The following FHIP1A variants were observed in gnomAD, a reference collection of about 807,000 sequenced individuals.
The protein encoded by FHIP1A is FHF complex subunit HOOK interacting protein 1A.
FHIP1A carries 61 observed loss-of-function variants against 88.6 expected under a neutral mutation model. That is an observed-to-expected ratio of 0.69 (90% CI 0.56 to 0.85). The LOEUF (loss-of-function observed/expected upper bound fraction) is 0.85, where lower values mean the gene tolerates loss of function less well. Among genes scored for constraint, FHIP1A ranks in the 40% least tolerant of loss-of-function variants. FHIP1A has a pLI of 0.00. For synonymous variants in FHIP1A, 478 were observed against 496.0 expected (o/e 0.96, Z 0.48); for missense variants, 1,154 against 1,273.5 (o/e 0.91, Z 1.43).
chr4:151,564,420 TA>T (rs33920190), intron 3 of FHIP1A, among the ~76,000 whole-genome samples: 5,146 of 152,264 alleles, frequency 0.034, 295 homozygotes, highest in African/African-American at 0.12. Flanking sequence ...GCTGTAAATG[TA>T]AATGTTTATA....
At chr4:151,527,007 G>A (rs1731691517) in intron 3 of FHIP1A, among the ~76,000 whole-genome samples, 1 of 151,116 alleles carries the variant, frequency 6.6e-6, no homozygotes, top group African/African-American at 2.4e-5. Flanking sequence ...AGATGGGATG[G>A]CGGCCGGGCA....
intron 1 of FHIP1A, among the ~76,000 whole-genome samples, chr4:151,425,574 C>CT (rs1226824922): frequency 2.0e-5 from 3 of 152,188 alleles, no homozygotes; most frequent in East Asian, 3.9e-4. Context: ...TTCACATAGA[C>CT]TTTTTTTAGA....
intron 3 of FHIP1A, among the ~76,000 whole-genome samples, chr4:151,527,543 G>A (rs1432601754): frequency 1.3e-5 from 2 of 151,984 alleles, no homozygotes; most frequent in Admixed American, 6.5e-5. Context: ...ACCGTGGGGA[G>A]AGCGAGAGCG....
intron 13 of FHIP1A, among the ~76,000 whole-genome samples, chr4:151,661,414 T>G (rs1284512918): frequency 1.3e-5 from 2 of 151,740 alleles, no homozygotes; most frequent in Non-Finnish European, 2.9e-5. Context: ...AGTTGTTTTT[T>G]TTTTTTTTTT....
chr4:151,495,180 T>G (rs1730415013), intron 3 of FHIP1A, among the ~76,000 whole-genome samples: 1 of 152,074 alleles, frequency 6.6e-6, no homozygotes, highest in Non-Finnish European at 1.5e-5. Context: ...TTTATAAAAT[T>G]GATCAAATTA....
intron 4 of FHIP1A, among the ~76,000 whole-genome samples, chr4:151,573,428 G>A (rs1489170370): frequency 1.3e-5 from 2 of 152,172 alleles, no homozygotes; most frequent in Non-Finnish European, 2.9e-5. Context: ...GCTTTATAAG[G>A]TGTTGAGGTG....
chr4:151,535,064 A>T (rs1278364373), intron 3 of FHIP1A, among the ~76,000 whole-genome samples: 1 of 152,124 alleles, frequency 6.6e-6, no homozygotes, highest in Non-Finnish European at 1.5e-5. Flanking sequence ...AAAGTAAAAA[A>T]ATCAGCCGGG....
intron 7 of FHIP1A, among the ~76,000 whole-genome samples, chr4:151,612,987 G>A (rs955366707): frequency 2.6e-5 from 4 of 152,188 alleles, no homozygotes; most frequent in African/African-American, 2.4e-5. Flanking sequence ...AGGTCACAAA[G>A]TGGGTAACTG....
chr4:151,665,537 C>G lies in FHIP1A; in HGVS notation c.*2783C>G, dbSNP rs1325617199. Among the ~76,000 whole-genome samples the G allele has an allele frequency of 2.6e-5, 4 of 152,112 alleles. No individual in the cohort carries two copies. Among genetic ancestry groups the G allele is most frequent in the Non-Finnish European group, 5.9e-5 (4 of 68,020 alleles). ...AAACCCATGTGGCTGGGTGAAATAA[C>G]TGAGAGTGGGTTATTTAGGGAGTGA... On this transcript the variant is annotated 3_prime_UTR_variant, in exon 14 of 14. Transcript: ENST00000435205.
At chr4:151,485,329 T>G (rs1417895738) in intron 3 of FHIP1A, among the ~76,000 whole-genome samples, 1 of 146,344 alleles carries the variant, frequency 6.8e-6, no homozygotes, top group Non-Finnish European at 1.5e-5. Context: ...CAGAATGGCT[T>G]AAAATAAATA....
chr4:151,422,654 G>A lies in FHIP1A; in HGVS notation c.-356+13189G>A, dbSNP rs1326844675. 2.0e-5 allele frequency among the ~76,000 whole-genome samples: 3 copies of A among 152,170 alleles called. No individual in the cohort carries two copies. The East Asian group carries it at 5.8e-4, about 29-fold the overall frequency. ...GATTCGCCTGCCTCAGCCTCCCAAAGTGTTGGGATTACAGGTGTGAGCCAC... is the reference window on the plus strand; with the variant it reads ...GATTCGCCTGCCTCAGCCTCCCAAAATGTTGGGATTACAGGTGTGAGCCAC... On this transcript the variant is annotated intron_variant, in intron 1 of 13. Transcript: ENST00000435205.
At chr4:151,430,082 G>A (rs1449480927) in intron 1 of FHIP1A, among the ~76,000 whole-genome samples, 1 of 152,156 alleles carries the variant, frequency 6.6e-6, no homozygotes, top group African/African-American at 2.4e-5. Flanking sequence ...AGAGGCTAAT[G>A]CTCCTCTGGA....
intron 3 of FHIP1A, among the ~76,000 whole-genome samples, chr4:151,546,694 C>G (rs1578736162): frequency 6.6e-6 from 1 of 152,120 alleles, no homozygotes; most frequent in Non-Finnish European, 1.5e-5. Context: ...GAAGAATATG[C>G]CTACTGTGAT....
chr4:151,618,997 T>C (rs554676667), intron 7 of FHIP1A, among the ~76,000 whole-genome samples: 4 of 152,200 alleles, frequency 2.6e-5, no homozygotes, highest in Non-Finnish European at 4.4e-5. Flanking sequence ...GAACCCCAGA[T>C]TGGAGAAAGG....
intron 8 of FHIP1A, among the ~76,000 whole-genome samples, chr4:151,638,047 T>C (rs1233759622): frequency 6.6e-6 from 1 of 152,148 alleles, no homozygotes; most frequent in Non-Finnish European, 1.5e-5. Context: ...TGTTTGGCAG[T>C]TTACCTTCTC....
chr4:151,566,607 A>G (rs191307042), intron 4 of FHIP1A, among the ~76,000 whole-genome samples: 6 of 152,334 alleles, frequency 3.9e-5, no homozygotes, highest in Non-Finnish European at 7.4e-5. Context: ...GGATATTTTT[A>G]GAAGAACAGC....
At chr4:151,477,855 G>A (rs542637978) in intron 2 of FHIP1A, among the ~76,000 whole-genome samples, 1 of 152,226 alleles carries the variant, frequency 6.6e-6, no homozygotes, top group South Asian at 2.1e-4. Flanking sequence ...GAGTATAGGT[G>A]CAAAACATTA....
intron 3 of FHIP1A, among the ~76,000 whole-genome samples, chr4:151,526,459 G>A (rs907317204): frequency 6.8e-6 from 1 of 147,404 alleles, no homozygotes; most frequent in African/African-American, 2.6e-5. Context: ...CCTCCCTCCC[G>A]GATGAGGCGG....
chr4:151,504,003 C>G (rs566186039), intron 3 of FHIP1A, among the ~76,000 whole-genome samples: 1 of 152,294 alleles, frequency 6.6e-6, no homozygotes, highest in South Asian at 2.1e-4. Flanking sequence ...TAAATGTTCT[C>G]CAACTTGTTA....
Sources: allele counts gnomAD v4.1 joint callset (sites outside exome capture counted in the v4.1 genomes callset), GRCh38; gene constraint gnomAD v4.1.1; transcripts MANE v1.5; gene names NCBI Gene and HGNC (gene_info 2026-07-23, HGNC 2026-07-21).